Variants in ARHGAP15 observed in about 807,000 individuals in gnomAD.
ARHGAP15 encodes rho GTPase-activating protein 15.
In ARHGAP15, 51 loss-of-function variants were observed where a neutral mutation model predicts 63.7. The ratio of observed to expected loss-of-function variants is 0.80; its 90% CI spans 0.64 to 1.01. ARHGAP15 has a LOEUF of 1.01. ARHGAP15 is among the 50% of genes least tolerant of loss of function. The probability of loss-of-function intolerance (pLI) is 0.00; values close to 1 mark genes in which losing one functional copy is unlikely to be tolerated. For synonymous variants in ARHGAP15, 191 were observed against 193.8 expected, an observed-to-expected ratio of 0.99 and a Z score of 0.12; for missense variants, 560 against 564.6, an observed-to-expected ratio of 0.99 and a Z score of 0.08.
intron 3 of ARHGAP15, among the ~76,000 whole-genome samples, chr2:143,213,514 AAAAAT>A (rs147427498): frequency 0.02 from 3,091 of 152,266 alleles, 109 homozygotes; most frequent in African/African-American, 0.071. Flanking sequence ...ACTCCGTCTC[AAAAAT>A]AAAATAAAAT....
chr2:143,439,474 T>C lies in ARHGAP15; in HGVS notation c.703+2432T>C, dbSNP rs1480477959. Among the ~76,000 whole-genome samples the C allele has an allele frequency of 2.9e-5, 4 of 138,308 alleles. No homozygotes were observed. In the South Asian group the frequency reaches 9.3e-4, roughly 32 times the overall value. 90.7% of individuals were successfully genotyped at this position (138,308 alleles called of 152,430 possible). A position where few individuals can be genotyped will look rare whatever the true frequency, so the allele number is the denominator to read the frequency against. Reference sequence around the variant, plus strand: ...GGGAAGAGATACATGATTTATTCTATTCATTTCAAAATCTAACTAATTGTA... The same window carrying C: ...GGGAAGAGATACATGATTTATTCTACTCATTTCAAAATCTAACTAATTGTA... On this transcript the variant is annotated intron_variant, in intron 8 of 13. Coordinates refer to ENST00000295095, the MANE Select transcript of ARHGAP15 (RefSeq NM_018460.4).
Position 143,164,147 on chromosome 2 carries a change from G to A in ARHGAP15, c.165+8492G>A, listed in dbSNP as rs557403355. On this transcript the variant is annotated intron_variant, in intron 2 of 13. Transcript: ENST00000295095. ...TTCAGTCCCTGATGTGTTCAGATTC[G>A]GTTTATTGTTACCATCTGTTTAATT... 7.9e-5 allele frequency among the ~76,000 whole-genome samples: 12 copies of A among 152,034 alleles called. No homozygotes were observed. In the South Asian group the frequency reaches 2.1e-3, roughly 26 times the overall value.
At chr2:143,373,251 A>C (rs1686642524) in intron 6 of ARHGAP15, among the ~76,000 whole-genome samples, 1 of 152,214 alleles carries the variant, frequency 6.6e-6, no homozygotes, top group African/African-American at 2.4e-5. Context: ...TCAAGATTGC[A>C]CAAGTATTGG....
intron 6 of ARHGAP15, among the ~76,000 whole-genome samples, chr2:143,370,491 AGT>A (rs577727421): frequency 6.8e-6 from 1 of 147,300 alleles, no homozygotes; most frequent in Non-Finnish European, 1.5e-5. Flanking sequence ...TAAAACTTAA[AGT>A]ATAATAATAA....
intron 3 of ARHGAP15, among the ~76,000 whole-genome samples, chr2:143,203,975 C>T (rs751827004): frequency 8.5e-5 from 13 of 152,148 alleles, no homozygotes; most frequent in Admixed American, 2.0e-4. Flanking sequence ...TGCCCAAACC[C>T]GTTCTCCATT....
intron 8 of ARHGAP15, among the ~76,000 whole-genome samples, chr2:143,467,221 G>A (rs1002250263): frequency 7.3e-6 from 1 of 136,780 alleles, no homozygotes; most frequent in Non-Finnish European, 1.5e-5. Flanking sequence ...GCTTAGTCAT[G>A]CTATTCAATT....
At chr2:143,506,602 C>G (rs1693335675) in intron 9 of ARHGAP15, among the ~76,000 whole-genome samples, 1 of 152,140 alleles carries the variant, frequency 6.6e-6, no homozygotes, top group Non-Finnish European at 1.5e-5. Flanking sequence ...CTGGCCCTCT[C>G]TGTAATTCTA....
At chr2:143,673,754 G>GTATATATATATATATATA (rs1166388931) in intron 12 of ARHGAP15, among the ~76,000 whole-genome samples, 11 of 31,424 alleles carry the variant, frequency 3.5e-4, no homozygotes, top group East Asian at 2.2e-3. Flanking sequence ...GTGTGTGTGT[G>GTATATATATATATATATA]TGTGTATATA....
At chr2:143,751,623 C>T (rs1007548783) in intron 13 of ARHGAP15, among the ~76,000 whole-genome samples, 6 of 152,116 alleles carry the variant, frequency 3.9e-5, no homozygotes, top group African/African-American at 1.2e-4. Context: ...ACTCTCTATT[C>T]GAGACTCCCC....
At chr2:143,668,797 T>C (rs1682369112) in intron 12 of ARHGAP15, among the ~76,000 whole-genome samples, 1 of 152,202 alleles carries the variant, frequency 6.6e-6, no homozygotes, top group Non-Finnish European at 1.5e-5. Context: ...ACAATTCCAA[T>C]GAAACTCTTC....
At chr2:143,468,659 A>AGT (rs778518753) in intron 8 of ARHGAP15, among the ~76,000 whole-genome samples, 755 of 109,796 alleles carry the variant, frequency 6.9e-3, no homozygotes, top group South Asian at 0.021. Context: ...AGAGAGAGAG[A>AGT]GAGAGTGTGT....
chr2:143,699,162 A>G (rs1475510055), intron 12 of ARHGAP15, among the ~76,000 whole-genome samples: 1 of 152,094 alleles, frequency 6.6e-6, no homozygotes, highest in African/African-American at 2.4e-5. Flanking sequence ...AATGTATCCA[A>G]TTGTATTTTT....
intron 6 of ARHGAP15, among the ~76,000 whole-genome samples, chr2:143,280,942 AG>A (rs1345434162): frequency 6.6e-6 from 1 of 152,184 alleles, no homozygotes; most frequent in Admixed American, 6.5e-5. Flanking sequence ...TTTTGCTAGA[AG>A]AAAAAACATT....
At chr2:143,353,610 C>T (rs11889859) in intron 6 of ARHGAP15, among the ~76,000 whole-genome samples, 2,701 of 152,136 alleles carry the variant, frequency 0.018, 77 homozygotes, top group African/African-American at 0.06. Context: ...ACAGGAGATA[C>T]ACAGAAATAA....
chr2:143,424,459 ATGTT>A (rs921325922), intron 6 of ARHGAP15, among the ~76,000 whole-genome samples: 4 of 152,030 alleles, frequency 2.6e-5, no homozygotes, highest in Admixed American at 6.6e-5. Context: ...TTACAGGAAA[ATGTT>A]TGGTAACACC....
intron 1 of ARHGAP15, among the ~76,000 whole-genome samples, chr2:143,129,989 A>T (rs997848675): frequency 2.0e-5 from 3 of 152,172 alleles, no homozygotes; most frequent in Non-Finnish European, 4.4e-5. Context: ...AGCTTTTAAA[A>T]TGTAAAGGAA....
At chr2:143,483,417 G>A (rs76726239) in intron 8 of ARHGAP15, among the ~76,000 whole-genome samples, 11,282 of 152,180 alleles carry the variant, frequency 0.074, 632 homozygotes, top group East Asian at 0.22. Context: ...TGCATTTCTT[G>A]GTATTCTATC....
chr2:143,755,039 T>G (rs1686521303), intron 13 of ARHGAP15, among the ~76,000 whole-genome samples: 1 of 152,138 alleles, frequency 6.6e-6, no homozygotes, highest in Non-Finnish European at 1.5e-5. Flanking sequence ...GCTCAGTCAT[T>G]ATCTACTATC....
At position 143,278,038 on chromosome 2, in the gene ARHGAP15, A is replaced by G. The variant is rs893116459; in HGVS notation, c.474+27438A>G. Among the ~76,000 whole-genome samples, 17 of 152,160 alleles carry G rather than the reference A, an allele frequency of 1.1e-4. 1 individual carries two copies. The highest frequency in any genetic ancestry group is 2.6e-4 in the Admixed American group (4 of 15,260). On this transcript the variant is annotated intron_variant, in intron 6 of 13. Coordinates refer to ENST00000295095, the MANE Select transcript of ARHGAP15 (RefSeq NM_018460.4). ...TTACATTTATATTTTTTAAAATCCC[A>G]TATTTATATACTAAACAATACAGAC...
Sources: allele counts gnomAD v4.1 joint callset (sites outside exome capture counted in the v4.1 genomes callset), GRCh38; gene constraint gnomAD v4.1.1; transcripts MANE v1.5; gene names NCBI Gene and HGNC (gene_info 2026-07-23, HGNC 2026-07-21).